Variants in RGS3 observed in about 807,000 individuals in gnomAD.
The protein encoded by RGS3 is regulator of G-protein signalling 3.
Under a neutral mutation model 132.6 loss-of-function variants are expected in RGS3, and 80 were observed. The observed-to-expected ratio is 0.60, with a 90% CI of 0.50 to 0.73. The LOEUF (loss-of-function observed/expected upper bound fraction) is 0.73. RGS3 is among the 30% of genes least tolerant of loss of function. The pLI is 0.00. For missense variants in RGS3, 1,382 were observed against 1,530.8 expected, an observed-to-expected ratio of 0.90 and a Z score of 1.62; for synonymous variants, 598 against 620.6, an observed-to-expected ratio of 0.96 and a Z score of 0.54.
intron 19 of RGS3, chr9:113,580,733 CTTTG>C (rs1168047046): frequency 6.0e-5 from 56 of 934,614 alleles, no homozygotes; most frequent in Non-Finnish European, 7.1e-5. Flanking sequence ...CCCCTCCTGG[CTTTG>C]TTTGGTTTGG....
At chr9:113,511,919 C>G (rs533093538) in intron 14 of RGS3, among the ~76,000 whole-genome samples, 10 of 152,084 alleles carry the variant, frequency 6.6e-5, no homozygotes, top group Non-Finnish European at 1.2e-4. Context: ...GGTTTGAGAC[C>G]GAGCAGCCCT....
intron 16 of RGS3, among the ~76,000 whole-genome samples, chr9:113,518,845 A>G (rs1286244983): frequency 6.6e-6 from 1 of 152,158 alleles, no homozygotes; most frequent in East Asian, 1.9e-4. Context: ...ATGAGAAGTC[A>G]CTTAGAGCTA....
At chr9:113,560,628 ATAACTAAT>A (rs768559400) in intron 19 of RGS3, among the ~76,000 whole-genome samples, 2 of 152,206 alleles carry the variant, frequency 1.3e-5, no homozygotes, top group Non-Finnish European at 2.9e-5. Context: ...GGTTATTGAA[ATAACTAAT>A]TAACATTTCT....
At position 113,506,552 on chromosome 9, in the gene RGS3, C is replaced by T. The variant is rs1831142143; in HGVS notation, c.1085+59C>T. On this transcript the variant is annotated intron_variant, in intron 12 of 24. Coordinates refer to ENST00000350696, the Ensembl canonical transcript of RGS3. This position sits in a 1 kb window ranked among gnomAD's most constrained non-coding sequence, Gnocchi z 4.7. ...GGCTGATGGCACACCCTCCCCACCC[C>T]TGGGCACACTGCCTTGCCTGGCCCA... 4.4e-6 allele frequency: 5 copies of T among 1,131,450 alleles called. No homozygotes were observed. The highest frequency in any genetic ancestry group is 2.6e-5 in the South Asian group (2 of 75,570). 70.1% of individuals were successfully genotyped at this position (1,131,450 alleles called of 1,614,324 possible). A position where few individuals can be genotyped will look rare whatever the true frequency, so the allele number is the denominator to read the frequency against.
At chr9:113,489,085 A>G (rs72761905) in intron 7 of RGS3, among the ~76,000 whole-genome samples, 21,817 of 152,202 alleles carry the variant, frequency 0.14, 1,715 homozygotes, top group African/African-American at 0.2. Flanking sequence ...TCATGATCCT[A>G]AGAGGTAGGA....
At chr9:113,534,075 G>C (rs1358797158) in intron 18 of RGS3, among the ~76,000 whole-genome samples, 1 of 152,192 alleles carries the variant, frequency 6.6e-6, no homozygotes, top group Non-Finnish European at 1.5e-5. Flanking sequence ...CTCAGCATGG[G>C]AAGTGCCCCC....
At chr9:113,513,714 G>A (rs549050131) in intron 14 of RGS3, among the ~76,000 whole-genome samples, 32 of 152,344 alleles carry the variant, frequency 2.1e-4, no homozygotes, top group Non-Finnish European at 4.4e-4. Context: ...CAGGGGAGCA[G>A]GATTTGAGCA....
chr9:113,578,247 G>A (rs889237967), intron 19 of RGS3, among the ~76,000 whole-genome samples: 21 of 152,206 alleles, frequency 1.4e-4, no homozygotes, highest in African/African-American at 5.1e-4. Context: ...TTAAGGCCAC[G>A]CTGTGCTGGA....
chr9:113,492,166 C>T (rs919039823), intron 7 of RGS3, among the ~76,000 whole-genome samples: 5 of 152,154 alleles, frequency 3.3e-5, no homozygotes, highest in African/African-American at 1.2e-4. Flanking sequence ...TGCATTTCCT[C>T]AAAAAATAAT....
At position 113,483,063 on chromosome 9, in the gene RGS3, AGAAGGTAAAGG is replaced by A. The variant is rs745385143; in HGVS notation, c.472_482del (p.Glu158ProfsTer10). The A allele has an allele frequency of 1.2e-6, 2 of 1,614,006 alleles. No homozygotes were observed. The highest frequency in any genetic ancestry group is 2.7e-5 in the African/African-American group (2 of 74,906). Reference sequence around the variant, plus strand: ...AATGTCTGAATTCTCTTTTAGTTATAGAAGGTAAAGGCCTGATCAGCAAACAGCCTGGCACC... The same window carrying A: ...AATGTCTGAATTCTCTTTTAGTTATACCTGATCAGCAAACAGCCTGGCACC... On this transcript the variant is annotated frameshift_variant, in exon 5 of 25. Coordinates refer to ENST00000350696, the Ensembl canonical transcript of RGS3. LOFTEE classifies it high-confidence loss of function.
chr9:113,594,143 G>A, intron 21 of RGS3: 2 of 1,613,186 alleles, frequency 1.2e-6, no homozygotes, highest in Non-Finnish European at 1.7e-6. Flanking sequence ...ATCAGGCCAG[G>A]ATTCCAGAGA....
In RGS3 at chr9:113,536,801, A is replaced by G. The variant is rs1832696327; in HGVS notation, c.1920A>G (p.Ala640=). ...TCTATTTTCCCTGACGTCAGAAGGC[A>G]GAGTGCTTATTCACTTTGGAAGCGC... The change falls in exon 19 of 25, where the codon GCA becomes GCG. Residue 640 remains alanine (A), a synonymous_variant. Transcript: ENST00000350696. 10 of 1,613,646 alleles carry G rather than the reference A, an allele frequency of 6.2e-6. No individual in the cohort carries two copies. The South Asian group carries it at 1.1e-4, about 18-fold the overall frequency.
intron 1 of RGS3, among the ~76,000 whole-genome samples, chr9:113,453,073 AT>A (rs1168051773): frequency 7.4e-6 from 1 of 135,436 alleles, no homozygotes; most frequent in Non-Finnish European, 1.5e-5. Flanking sequence ...CATTATATAT[AT>A]TTATATAATA....
At chr9:113,573,385 A>T (rs1227354867) in intron 19 of RGS3, among the ~76,000 whole-genome samples, 2 of 152,196 alleles carry the variant, frequency 1.3e-5, no homozygotes, top group African/African-American at 2.4e-5. Context: ...CAAGGAGCAG[A>T]GGGGCACCAC....
At chr9:113,583,736 A>G in exon 20 of RGS3, 1 of 1,613,588 alleles carries the variant, frequency 6.2e-7, no homozygotes, top group South Asian at 1.1e-5. Flanking sequence ...CCAGCCCAAG[A>G]CCTCTCACCC....
Position 113,479,479 on chromosome 9 carries a change from C to T in RGS3, c.416-12C>T, listed in dbSNP as rs1473939757. On this transcript the variant is annotated splice_polypyrimidine_tract_variant and intron_variant, in intron 3 of 24. Coordinates refer to ENST00000350696, the Ensembl canonical transcript of RGS3. ...AGCTGAGGCAAGGTTGTTTCTGTTGCTGTTTCCTTAGGTCAGCTGAGGCTG... is the reference window on the plus strand; with the variant it reads ...AGCTGAGGCAAGGTTGTTTCTGTTGTTGTTTCCTTAGGTCAGCTGAGGCTG... The T allele has an allele frequency of 3.1e-6, 5 of 1,614,130 alleles. No homozygotes were observed. The highest frequency in any genetic ancestry group is 1.7e-5 in the Admixed American group (1 of 60,026).
At chr9:113,586,179 T>C (rs1262332941) in intron 20 of RGS3, among the ~76,000 whole-genome samples, 1 of 152,210 alleles carries the variant, frequency 6.6e-6, no homozygotes, top group Non-Finnish European at 1.5e-5. Context: ...TCCGGAACGC[T>C]GTCCTTCCAA....
upstream of RGS3, among the ~76,000 whole-genome samples, chr9:113,457,638 C>T (rs1335235962): frequency 6.6e-6 from 1 of 152,232 alleles, no homozygotes; most frequent in Admixed American, 6.5e-5. Flanking sequence ...TAATGGTTCT[C>T]TTGCTGGGAG....
chr9:113,487,032 A>T (rs1027454775), intron 7 of RGS3, among the ~76,000 whole-genome samples: 1 of 144,782 alleles, frequency 6.9e-6, no homozygotes, highest in African/African-American at 2.4e-5. Context: ...CATGTTAATA[A>T]CAATAGCAAT....
Sources: allele counts gnomAD v4.1 joint callset (sites outside exome capture counted in the v4.1 genomes callset), GRCh38; gene constraint gnomAD v4.1.1; non-coding constraint Gnocchi (gnomAD v3.1); transcripts MANE v1.5; gene names NCBI Gene and HGNC (gene_info 2026-07-23, HGNC 2026-07-21).